The following TIAM1 variants were observed in gnomAD, a reference collection of about 807,000 sequenced individuals.
TIAM1 encodes the protein rho guanine nucleotide exchange factor TIAM1.
A neutral mutation model predicts 163.5 loss-of-function variants in TIAM1; 65 were observed. The observed-to-expected ratio is 0.40, with a 90% CI of 0.33 to 0.49. The LOEUF (loss-of-function observed/expected upper bound fraction) is 0.49. Ranked by LOEUF, TIAM1 falls within the 20% of genes least tolerant of loss-of-function variation. The pLI, the probability that TIAM1 is intolerant of heterozygous loss-of-function variation, is 0.77. For synonymous variants in TIAM1, 833 were observed against 810.1 expected (o/e 1.03, Z -0.48); for missense variants, 1,789 against 2,044.7 (o/e 0.87, Z 2.41).
chr21:31,548,660 G>T (rs961640700), intron 1 of TIAM1, among the ~76,000 whole-genome samples: 2 of 148,336 alleles, frequency 1.3e-5, no homozygotes, highest in African/African-American at 5.0e-5. Flanking sequence ...GCTAATTTTT[G>T]TATTTTTTTC....
At chr21:31,121,135 C>G (rs1192194868) in intron 27 of TIAM1, among the ~76,000 whole-genome samples, 1 of 152,096 alleles carries the variant, frequency 6.6e-6, no homozygotes, top group African/African-American at 2.4e-5. Context: ...CTGAAATAAT[C>G]TACTGTTCTA....
At chr21:31,452,395 C>T (rs1569343836) in intron 2 of TIAM1, 3 of 261,364 alleles carry the variant, frequency 1.1e-5, no homozygotes, top group Non-Finnish European at 7.2e-6. Flanking sequence ...GCCAAGATCG[C>T]ACTCCGGCCT....
chr21:31,538,661 A>T (rs1202388743), intron 1 of TIAM1, among the ~76,000 whole-genome samples: 1 of 152,152 alleles, frequency 6.6e-6, no homozygotes, highest in South Asian at 2.1e-4. Flanking sequence ...TCCATGTCAC[A>T]TGCTCTAAAA....
At chr21:31,360,883 A>C (rs2076395655) in intron 2 of TIAM1, among the ~76,000 whole-genome samples, 1 of 152,214 alleles carries the variant, frequency 6.6e-6, no homozygotes, top group Non-Finnish European at 1.5e-5. Context: ...GAAGAGCTAG[A>C]ATTGAAATGA....
chr21:31,303,480 C>T (rs1188275950), intron 2 of TIAM1, among the ~76,000 whole-genome samples: 3 of 152,208 alleles, frequency 2.0e-5, no homozygotes, highest in Admixed American at 6.5e-5. Context: ...TTATTGATGG[C>T]ACCCCATTAG....
At chr21:31,300,284 C>T (rs535576339) in intron 2 of TIAM1, among the ~76,000 whole-genome samples, 21 of 152,274 alleles carry the variant, frequency 1.4e-4, no homozygotes, top group Admixed American at 1.3e-3. Flanking sequence ...CTGTACAGAA[C>T]GGTGAGCCAA....
At chr21:31,397,409 T>C (rs919623785) in intron 2 of TIAM1, among the ~76,000 whole-genome samples, 1 of 152,212 alleles carries the variant, frequency 6.6e-6, no homozygotes, top group African/African-American at 2.4e-5. Flanking sequence ...CCTCTTTTCC[T>C]TTCTCTCCTC....
intron 4 of TIAM1, among the ~76,000 whole-genome samples, chr21:31,254,637 T>C (rs1282474166): frequency 9.2e-5 from 14 of 151,938 alleles, no homozygotes; most frequent in Non-Finnish European, 1.8e-4. Context: ...GAAGTGGAGG[T>C]TGCAGTGAGC....
chr21:31,509,874 C>T (rs1471183515), intron 1 of TIAM1, among the ~76,000 whole-genome samples: 1 of 152,212 alleles, frequency 6.6e-6, no homozygotes, highest in Non-Finnish European at 1.5e-5. Flanking sequence ...CAGCCAATTA[C>T]CGCTGGGCCC....
rs191621174 is a variant in TIAM1 at position 31,211,519 on chromosome 21, C to T, written c.2218-1304G>A. Among the ~76,000 whole-genome samples, 317 of 152,204 alleles carry T rather than the reference C, an allele frequency of 2.1e-3. 3 individuals are homozygous for T. The South Asian group carries it at 0.022, about 10-fold the overall frequency. On this transcript the variant is annotated intron_variant, in intron 10 of 27. Transcript: ENST00000541036. ...CAAATTACAAGAAGGAACAAATTTC[C>T]CAATGAAGGCTGAGAGGTGGTAATA...
At chr21:31,489,360 T>C (rs2046378625) in intron 1 of TIAM1, among the ~76,000 whole-genome samples, 1 of 31,666 alleles carries the variant, frequency 3.2e-5, no homozygotes, top group Non-Finnish European at 5.6e-5. Context: ...ACAGACAAGG[T>C]TGGGGGGGAG....
rs1668939315 is a variant in TIAM1, at chr21:31,495,732, G to A, written c.-421-31697C>T. On this transcript the variant is annotated intron_variant, in intron 1 of 28. Coordinates refer to the TIAM1 transcript ENST00000286827. ...CGCCTGTAATCCCGGCACTTTGGGA[G>A]GCCAAGGCGGGGCGGGGGGATCACC... 2.6e-5 allele frequency among the ~76,000 whole-genome samples: 4 copies of A among 152,234 alleles called. No individual in the cohort carries two copies. In the South Asian group the frequency reaches 8.3e-4, roughly 32 times the overall value.
chr21:31,125,708 G>A (rs1217427403), intron 26 of TIAM1, among the ~76,000 whole-genome samples: 3 of 152,204 alleles, frequency 2.0e-5, no homozygotes, highest in Admixed American at 1.3e-4. Flanking sequence ...CCAACTAGCT[G>A]GGATTAAAGG....
intron 2 of TIAM1, among the ~76,000 whole-genome samples, chr21:31,335,708 A>AAAAAAAAAG (rs569200995): frequency 6.6e-6 from 1 of 152,058 alleles, no homozygotes; most frequent in African/African-American, 2.4e-5. Context: ...CTGTCTCCAA[A>AAAAAAAAAG]AAAAAAGAAA....
At chr21:31,364,022 C>G (rs922952922) in intron 2 of TIAM1, among the ~76,000 whole-genome samples, 15 of 152,216 alleles carry the variant, frequency 9.9e-5, no homozygotes, top group Admixed American at 6.5e-4. Flanking sequence ...CAGGACATCT[C>G]TACCCAACAC....
intron 2 of TIAM1, among the ~76,000 whole-genome samples, chr21:31,450,024 C>A (rs898707117): frequency 1.3e-5 from 2 of 152,164 alleles, no homozygotes; most frequent in Admixed American, 1.3e-4. Context: ...CTTGCCTCTT[C>A]CCTCCCCACA....
At chr21:31,268,479 A>G (rs950214754) in intron 3 of TIAM1, among the ~76,000 whole-genome samples, 3 of 152,246 alleles carry the variant, frequency 2.0e-5, no homozygotes, top group Admixed American at 6.5e-5. Flanking sequence ...CTGAAATAAA[A>G]TTTGTGGCAA....
intron 6 of TIAM1, among the ~76,000 whole-genome samples, chr21:31,229,255 A>ATGGTGCT (rs967654517): frequency 6.6e-6 from 1 of 152,078 alleles, no homozygotes; most frequent in Non-Finnish European, 1.5e-5. Context: ...TGCTAGTTAC[A>ATGGTGCT]TGGTGCTGGG....
At chr21:31,535,756 GT>G (rs34045547) in intron 1 of TIAM1, among the ~76,000 whole-genome samples, 83,606 of 151,738 alleles carry the variant, frequency 0.55, 23,570 homozygotes, top group East Asian at 0.9. Flanking sequence ...CCAGGTGAGT[GT>G]TTTTTGGCTG....
Sources: gnomAD v4.1 joint callset for allele counts (sites outside exome capture counted in the v4.1 genomes callset) on GRCh38, gnomAD v4.1.1 for gene constraint, MANE v1.5 for transcripts, NCBI Gene and HGNC (gene_info 2026-07-23, HGNC 2026-07-21) for gene names.